SUPT6H: variants seen among roughly 807,000 people sequenced by gnomAD.
SUPT6H encodes transcription elongation factor SPT6.
Under a neutral mutation model 222.3 loss-of-function variants are expected in SUPT6H, and 11 were observed. That is an observed-to-expected ratio of 0.05 (90% CI 0.03 to 0.08). SUPT6H has a LOEUF of 0.08. SUPT6H is among the 10% of genes least tolerant of loss of function. SUPT6H has a pLI of 1.00. For synonymous variants in SUPT6H, 762 were observed against 801.2 expected (o/e 0.95, Z 0.83); for missense variants, 1,422 against 2,216.0 (o/e 0.64, Z 7.19).
rs534249069 is a variant in SUPT6H at position 28,667,518 on chromosome 17, C to A, written c.-32+5176C>A. Among the ~76,000 whole-genome samples, 7 of 117,878 alleles carry A rather than the reference C, an allele frequency of 5.9e-5. No individual in the cohort carries two copies. In the East Asian group the frequency reaches 1.3e-3, roughly 22 times the overall value. The allele number at this position is 117,878 out of a possible 152,430, so 77.3% of individuals were successfully genotyped here. On this transcript the variant is annotated intron_variant, in intron 1 of 36. Coordinates refer to ENST00000314616, the MANE Select transcript of SUPT6H (RefSeq NM_003170.5). ...GTATATGTGTATATATATATAAATA[C>A]GTGTGTGTGTGTGTGTTTTATATAT...
chr17:28,688,260 T>C lies in SUPT6H; in HGVS notation c.3134+42T>C. 1.9e-6 allele frequency: 3 copies of C among 1,593,494 alleles called. No homozygotes were observed. Among genetic ancestry groups the C allele is most frequent in the Non-Finnish European group, 1.7e-6 (2 of 1,169,054 alleles). ...GGATGGGGCAGGAGGAATTCCCTTG[T>C]GGGCTTTGTTTTCGGGTTTCAGGGG... On this transcript the variant is annotated intron_variant, in intron 24 of 36. Coordinates refer to ENST00000314616, the MANE Select transcript of SUPT6H (RefSeq NM_003170.5). The surrounding 1 kb of genome is among the most constrained non-coding windows in gnomAD (Gnocchi z 4.3).
intron 11 of SUPT6H, 99 bp downstream of exon 11, chr17:28,679,062 G>A (rs1295407206): frequency 7.5e-6 from 11 of 1,474,138 alleles, no homozygotes; most frequent in East Asian, 2.3e-5. Context: ...GTAGCACAGG[G>A]CCCCATCCCT....
intron 1 of SUPT6H, among the ~76,000 whole-genome samples, chr17:28,664,244 A>G (rs1339647515): frequency 6.6e-6 from 1 of 152,070 alleles, no homozygotes; most frequent in East Asian, 1.9e-4. Flanking sequence ...GCAGTGGCTC[A>G]TGCCTATAAT....
At chr17:28,663,827 C>CTTTTTTTTTTTTTTTTTTTTTTTT (rs1567681347) in intron 1 of SUPT6H, among the ~76,000 whole-genome samples, 3 of 8,410 alleles carry the variant, frequency 3.6e-4, no homozygotes, top group African/African-American at 1.0e-3. Flanking sequence ...CTGCCCACTC[C>CTTTTTTTTTTTTTTTTTTTTTTTT]ATTTTTTTTT....
Position 28,701,842 on chromosome 17 carries a change from C to T in SUPT6H, c.*217C>T. ...TTCTCCCGCTCCAGACCCTCACCGA[C>T]CACCTGTCCTGGGACCAGGCTGGGA... On this transcript the variant is annotated 3_prime_UTR_variant, in exon 37 of 37. Coordinates refer to ENST00000314616, the MANE Select transcript of SUPT6H (RefSeq NM_003170.5). The T allele has an allele frequency of 1.8e-6, 1 of 547,124 alleles. No homozygotes were observed. The allele number at this position is 547,124 out of a possible 1,614,324, so 33.9% of individuals were successfully genotyped here. A position where few individuals can be genotyped will look rare whatever the true frequency, so the allele number is the denominator to read the frequency against.
chr17:28,676,067 C>T, intron 6 of SUPT6H, 90 bp from the exon 7 acceptor site: 1 of 1,430,528 alleles, frequency 7.0e-7, no homozygotes, highest in Non-Finnish European at 9.4e-7. Context: ...CCTCTCAGTT[C>T]CCTTGGGACA....
rs1463737865 is a variant in SUPT6H at position 28,683,750 on chromosome 17, C to G, written c.2163C>G (p.Leu721=). ...TCGAACGGGCTTTACAGCAGTTCCTCTATGTGCAGATGGCCAAAGAACTCA... is the reference window on the plus strand; with the variant it reads ...TCGAACGGGCTTTACAGCAGTTCCTGTATGTGCAGATGGCCAAAGAACTCA... The part of the protein sequence containing the change: ...MAIERALQQF[L]YVQMAKELKN... Residue 721 remains leucine (L), a synonymous_variant, in exon 17 of 37, where the codon CTC becomes CTG. Coordinates refer to ENST00000314616, the MANE Select transcript of SUPT6H (RefSeq NM_003170.5). 1 of 1,614,058 alleles carries G rather than the reference C, an allele frequency of 6.2e-7. No individual in the cohort carries two copies.
rs2031773106 is a variant in SUPT6H, at chr17:28,693,595, G to A, written c.3634-101G>A. 5 of 1,400,062 alleles carry A rather than the reference G, an allele frequency of 3.6e-6. No homozygotes were observed. The African/African-American group carries it at 4.3e-5, about 12-fold the overall frequency. 86.7% of individuals were successfully genotyped at this position (1,400,062 alleles called of 1,614,324 possible). A position where few individuals can be genotyped will look rare whatever the true frequency, so the allele number is the denominator to read the frequency against. On this transcript the variant is annotated intron_variant, in intron 27 of 36. Coordinates refer to ENST00000314616, the MANE Select transcript of SUPT6H (RefSeq NM_003170.5). ...GTGTTTTCAGATCATGGTGCAAGGT[G>A]TCAATGGTAAAAGAAATTACAACAC...
At chr17:28,671,639 C>T (rs1024878259) in intron 1 of SUPT6H, among the ~76,000 whole-genome samples, 1 of 152,118 alleles carries the variant, frequency 6.6e-6, no homozygotes, top group African/African-American at 2.4e-5. Context: ...TCCCTACTGT[C>T]GTTTCCAGGC....
At chr17:28,690,298 G>A in intron 26 of SUPT6H, 69 bp downstream of exon 26, 1 of 1,569,878 alleles carries the variant, frequency 6.4e-7, no homozygotes, top group African/African-American at 1.4e-5. Context: ...AAACCAAGCA[G>A]CAGTTCCAAC....
intron 29 of SUPT6H, among the ~76,000 whole-genome samples, chr17:28,696,261 C>T (rs1287875819): frequency 7.6e-6 from 1 of 132,130 alleles, no homozygotes; most frequent in African/African-American, 2.9e-5. Flanking sequence ...TGCACCACTA[C>T]AGTACAACGT....
intron 13 of SUPT6H, 78 bp downstream of exon 13, chr17:28,682,058 G>A (rs1597702179): frequency 2.4e-6 from 3 of 1,242,572 alleles, no homozygotes; most frequent in Admixed American, 2.3e-5. Flanking sequence ...CTGGTAGGTA[G>A]GAAAAAGAAA....
chr17:28,678,832 G>A lies in SUPT6H; in HGVS notation c.1218G>A (p.Leu406=), dbSNP rs765290616. ...VWQWDEKWTQ[L]RIRKENLTRL... is the part of the protein sequence containing the mutation. ...CTACTTCACCTTAGTGGACCCAGCT[G>A]CGGATCCGTAAAGAGAACCTAACAC... Residue 406 remains leucine (L), a synonymous_variant, in exon 11 of 37, where the codon CTG becomes CTA. Coordinates refer to ENST00000314616, the MANE Select transcript of SUPT6H (RefSeq NM_003170.5). 3 of 1,614,022 alleles carry A rather than the reference G, an allele frequency of 1.9e-6. No homozygotes were observed. The highest frequency in any genetic ancestry group is 2.5e-6 in the Non-Finnish European group (3 of 1,180,050).
Position 28,697,987 on chromosome 17 carries a change from C to T in SUPT6H, c.4405C>T (p.Pro1469Ser). 6.2e-7 allele frequency: 1 copy of T among 1,613,440 alleles called. No individual in the cohort carries two copies. Among genetic ancestry groups the T allele is most frequent in the South Asian group, 1.1e-5 (1 of 91,084 alleles). ...PYFICACKEL[P>S]GKFLLGYQPR... Reference sequence around the variant, plus strand: ...TTTCATCTGTGCCTGCAAGGAACTGCCCGGCAAGTTCCTACTGGGATACCA... The same window carrying T: ...TTTCATCTGTGCCTGCAAGGAACTGTCCGGCAAGTTCCTACTGGGATACCA... Residue 1469 changes from proline (P) to serine (S), a missense_variant, in exon 32 of 37, where the codon CCC (proline) becomes TCC (serine). This residue lies in a region of SUPT6H where 395 missense variants were observed against 580.6 expected (regional missense o/e 0.68). Transcript: ENST00000314616.
intron 32 of SUPT6H, 102 bp from the exon 33 acceptor site, chr17:28,699,679 T>A: frequency 1.1e-6 from 1 of 951,858 alleles, no homozygotes. Flanking sequence ...TCCTTTCCCC[T>A]AGCACCCAGA....
At chr17:28,666,607 A>G (rs990714916) in intron 1 of SUPT6H, among the ~76,000 whole-genome samples, 3 of 149,928 alleles carry the variant, frequency 2.0e-5, no homozygotes, top group African/African-American at 7.4e-5. Flanking sequence ...GCTGGAGTGC[A>G]ATGGCATGAT....
intron 34 of SUPT6H, 44 bp from the exon 35 acceptor site, chr17:28,700,302 C>G (rs369207425): frequency 7.4e-6 from 12 of 1,614,030 alleles, no homozygotes; most frequent in Non-Finnish European, 1.0e-5. Context: ...GCTAAAGGGA[C>G]TTTCACCTCT....
Position 28,674,543 on chromosome 17 carries a change from T to A in SUPT6H, c.275T>A (p.Phe92Tyr). The change falls in exon 4 of 37, where the codon TTT becomes TAT. Residue 92 changes from phenylalanine to tyrosine, a missense_variant. Around this residue, in one of 13 missense-constraint regions of SUPT6H, gnomAD observed 89 missense variants for 118.9 expected, o/e 0.75. Coordinates refer to ENST00000314616, the MANE Select transcript of SUPT6H (RefSeq NM_003170.5). ...CAACACTTTGTTTCTTCAGCCTCTT[T>A]TGATGACCGCCTGGAGGATGATGAT... is the stretch of plus-strand genomic sequence containing the variant. Reference protein sequence around the residue: ...VGHKKRKRTSFDDRLEDDDFD... With the variant: ...VGHKKRKRTSYDDRLEDDDFD... 6.2e-7 allele frequency: 1 copy of A among 1,614,180 alleles called. No individual in the cohort carries two copies. The highest frequency in any genetic ancestry group is 8.5e-7 in the Non-Finnish European group (1 of 1,180,026).
Position 28,686,927 on chromosome 17 carries a change from C to A in SUPT6H, c.2700+138C>A, listed in dbSNP as rs2031410471. 2.0e-6 allele frequency: 3 copies of A among 1,472,978 alleles called. No individual in the cohort carries two copies. The South Asian group carries it at 4.0e-5, about 20-fold the overall frequency. The allele number at this position is 1,472,978 out of a possible 1,614,324, so 91.2% of individuals were successfully genotyped here. ...ATCCATGCAGAAGTTCTCCGTTTTG[C>A]AGTTACGGTTCAGATTGGGAGTCCC... On this transcript the variant is annotated intron_variant, in intron 21 of 36. Transcript: ENST00000314616.
Sources: allele counts gnomAD v4.1 joint callset (sites outside exome capture counted in the v4.1 genomes callset), GRCh38; gene constraint gnomAD v4.1.1; regional missense constraint gnomAD v4.1.1; non-coding constraint Gnocchi (gnomAD v3.1); transcripts MANE v1.5; gene names NCBI Gene and HGNC (gene_info 2026-07-23, HGNC 2026-07-21).